The following PCDHGA3 variants were observed in gnomAD, a reference collection of about 807,000 sequenced individuals.
PCDHGA3 encodes protocadherin gamma subfamily A, 3.
PCDHGA3 carries 40 observed loss-of-function variants against 58.5 expected under a neutral mutation model. That is an observed-to-expected ratio of 0.68 (90% confidence interval 0.53 to 0.89). PCDHGA3 has a LOEUF of 0.89. PCDHGA3 is among the 40% of genes least tolerant of loss of function. The pLI is 0.00. For missense variants in PCDHGA3, 1,223 were observed against 1,195.9 expected, an observed-to-expected ratio of 1.02 and a Z score of -0.33; for synonymous variants, 530 against 525.7, an observed-to-expected ratio of 1.01 and a Z score of -0.11.
chr5:141,391,873 T>G (rs1023590638), intron 1 of PCDHGA3: 2 of 152,216 alleles, frequency 1.3e-5, no homozygotes, highest in African/African-American at 4.8e-5. Flanking sequence ...TAATCATCTC[T>G]TTGGTGAAAG....
chr5:141,465,448 A>G (rs2099103302), intron 1 of PCDHGA3, among the ~76,000 whole-genome samples: 2 of 152,192 alleles, frequency 1.3e-5, no homozygotes, highest in Admixed American at 1.3e-4. Flanking sequence ...TTACCCAAGA[A>G]AACTCTCACC....
At chr5:141,390,505 A>T in intron 1 of PCDHGA3, 1 of 600,954 alleles carries the variant, frequency 1.7e-6, no homozygotes, top group South Asian at 2.1e-5. Context: ...CCAAGCTTAG[A>T]TTTATAAAGC....
At chr5:141,409,378 C>G (rs780715519) in intron 1 of PCDHGA3, 3 of 1,613,996 alleles carry the variant, frequency 1.9e-6, no homozygotes, top group Non-Finnish European at 2.5e-6. Context: ...ACATTCCATT[C>G]AAGATTTATT....
At chr5:141,464,096 C>T (rs2099075769) in intron 1 of PCDHGA3, among the ~76,000 whole-genome samples, 1 of 152,016 alleles carries the variant, frequency 6.6e-6, no homozygotes, top group African/African-American at 2.4e-5. Context: ...GAAACTCCGT[C>T]TCTACTAAAA....
At chr5:141,468,783 G>T (rs908838744) in intron 1 of PCDHGA3, among the ~76,000 whole-genome samples, 5 of 151,346 alleles carry the variant, frequency 3.3e-5, no homozygotes, top group East Asian at 2.0e-4. Flanking sequence ...GGAGAATGGC[G>T]TGAACCCGGG....
At chr5:141,389,829 C>T in intron 1 of PCDHGA3, 3 of 1,613,980 alleles carry the variant, frequency 1.9e-6, no homozygotes, top group Non-Finnish European at 2.5e-6. Context: ...TGACGGTGGA[C>T]AGCCACCACT....
At chr5:141,478,215 T>C (rs764444582) in intron 1 of PCDHGA3, 11 of 1,614,118 alleles carry the variant, frequency 6.8e-6, no homozygotes. Context: ...TCTCTAATCC[T>C]GGTTTCTGTG....
At chr5:141,459,137 G>C (rs1336232891) in intron 1 of PCDHGA3, among the ~76,000 whole-genome samples, 1 of 152,190 alleles carries the variant, frequency 6.6e-6, no homozygotes, top group Non-Finnish European at 1.5e-5. Context: ...TAACCACCAT[G>C]CAATCAAAAT....
At chr5:141,361,897 G>C (rs1762228885) in intron 1 of PCDHGA3, 1 of 1,609,754 alleles carries the variant, frequency 6.2e-7, no homozygotes, top group Non-Finnish European at 8.5e-7. Flanking sequence ...CGGCTACCTG[G>C]TGACCAAGGT....
chr5:141,490,062 C>A lies in PCDHGA3; in HGVS notation c.2425-4745C>A, dbSNP rs758715682. 6.2e-7 allele frequency: 1 copy of A among 1,614,218 alleles called. No homozygotes were observed. The highest frequency in any genetic ancestry group is 1.1e-5 in the South Asian group (1 of 91,082). ...CCACTGATCCAGACGAGGGCACCAA[C>A]GGCCAACTAGACTATTCTTTTGGAG... On this transcript the variant is annotated intron_variant, in intron 1 of 3. Coordinates refer to ENST00000253812, the MANE Select transcript of PCDHGA3 (RefSeq NM_018916.4). The surrounding 1 kb of genome is among the most constrained non-coding windows in gnomAD (Gnocchi z 5.4).
chr5:141,405,050 G>T, intron 1 of PCDHGA3: 1 of 1,613,866 alleles, frequency 6.2e-7, no homozygotes, highest in South Asian at 1.1e-5. Flanking sequence ...TGTGGCAGTC[G>T]TCTCCTGTGT....
chr5:141,425,426 A>T (rs1227154364), intron 1 of PCDHGA3, among the ~76,000 whole-genome samples: 1 of 152,236 alleles, frequency 6.6e-6, no homozygotes, highest in African/African-American at 2.4e-5. Flanking sequence ...AGTCCCATTA[A>T]ATAGAGGATA....
At chr5:141,355,688 G>C (rs751731556) in intron 1 of PCDHGA3, 1 of 1,613,990 alleles carries the variant, frequency 6.2e-7, no homozygotes, top group Non-Finnish European at 8.5e-7. Flanking sequence ...CCGGATGTAG[G>C]TGTAAACTCC....
chr5:141,445,890 T>C (rs1435563284), intron 1 of PCDHGA3, among the ~76,000 whole-genome samples: 1 of 152,210 alleles, frequency 6.6e-6, no homozygotes, highest in Non-Finnish European at 1.5e-5. Context: ...ACTTAGGAGC[T>C]ATTAAAATAT....
intron 1 of PCDHGA3, among the ~76,000 whole-genome samples, chr5:141,405,943 CATA>C (rs1017424287): frequency 6.6e-6 from 1 of 152,106 alleles, no homozygotes; most frequent in Non-Finnish European, 1.5e-5. Flanking sequence ...TTCATGTTCT[CATA>C]ATAATTAACC....
chr5:141,389,886 G>A, intron 1 of PCDHGA3: 1 of 1,614,078 alleles, frequency 6.2e-7, no homozygotes, highest in Non-Finnish European at 8.5e-7. Context: ...CAGCTTGCAG[G>A]AGGTGCTGCC....
chr5:141,426,085 C>T (rs1315114723), intron 1 of PCDHGA3, among the ~76,000 whole-genome samples: 7 of 152,148 alleles, frequency 4.6e-5, no homozygotes, highest in Non-Finnish European at 8.8e-5. Flanking sequence ...TCTACCAGGA[C>T]GATATTCTGT....
intron 2 of PCDHGA3, among the ~76,000 whole-genome samples, chr5:141,504,741 T>C (rs968590796): frequency 2.6e-5 from 4 of 151,826 alleles, no homozygotes; most frequent in South Asian, 2.1e-4. Context: ...TAGGAAGCCA[T>C]TGAATTTTAG....
Position 141,495,110 on chromosome 5 carries a change from T to C in PCDHGA3, c.2483+245T>C, listed in dbSNP as rs74534116. Among the ~76,000 whole-genome samples the C allele has an allele frequency of 3.9e-3, 595 of 152,212 alleles. 3 individuals carry two copies. The highest frequency in any genetic ancestry group is 0.013 in the African/African-American group (538 of 41,532). On this transcript the variant is annotated intron_variant, in intron 2 of 3. Coordinates refer to ENST00000253812, the MANE Select transcript of PCDHGA3 (RefSeq NM_018916.4). The stretch of plus-strand genomic sequence containing the variant: ...TTCCCTCCTCGCCACGACCGGCACC[T>C]TTTCCTATCCCCTGAGGGCACTGTG...
Sources: allele counts gnomAD v4.1 joint callset (sites outside exome capture counted in the v4.1 genomes callset), GRCh38; gene constraint gnomAD v4.1.1; non-coding constraint Gnocchi (gnomAD v3.1); transcripts MANE v1.5; gene names NCBI Gene and HGNC (gene_info 2026-07-23, HGNC 2026-07-21).